FBXO10: variants seen among roughly 807,000 people sequenced by gnomAD.
The protein encoded by FBXO10 is F-box protein 10, also known as F-box only protein 10.
A neutral mutation model predicts 80.7 loss-of-function variants in FBXO10; 39 were observed. That is an observed-to-expected ratio of 0.48 (90% CI 0.37 to 0.63). The LOEUF is 0.63. Among genes scored for constraint, FBXO10 ranks in the 30% least tolerant of loss-of-function variants. The pLI is 0.00. For missense variants in FBXO10, 1,025 were observed against 1,269.0 expected (o/e 0.81, Z 2.92); for synonymous variants, 449 against 489.6 (o/e 0.92, Z 1.09).
At chr9:37,551,572 G>A (rs1822199638) in intron 1 of FBXO10, among the ~76,000 whole-genome samples, 1 of 152,168 alleles carries the variant, frequency 6.6e-6, no homozygotes, top group South Asian at 2.1e-4. Flanking sequence ...CCACAGGTGG[G>A]GTGACCAGGG....
chr9:37,536,118 T>C (rs1821759055), intron 3 of FBXO10: 1 of 152,180 alleles, frequency 6.6e-6, no homozygotes, highest in Non-Finnish European at 1.5e-5. Context: ...TAAATTTAAA[T>C]TAATTAAAAT....
At chr9:37,534,848 G>A (rs1383206838) in intron 3 of FBXO10, among the ~76,000 whole-genome samples, 3 of 152,146 alleles carry the variant, frequency 2.0e-5, no homozygotes, top group Non-Finnish European at 4.4e-5. Context: ...GGTGTTGGGA[G>A]GAAAGTGACT....
chr9:37,531,402 T>C (rs1198171158), intron 4 of FBXO10, among the ~76,000 whole-genome samples: 3 of 152,218 alleles, frequency 2.0e-5, no homozygotes, highest in Non-Finnish European at 2.9e-5. Context: ...CTCGTGTCAC[T>C]GGCCACACAG....
intron 1 of FBXO10, among the ~76,000 whole-genome samples, chr9:37,556,661 AG>A: frequency 6.8e-6 from 1 of 148,084 alleles, no homozygotes. Context: ...CTCCTACCTC[AG>A]CCTCCCAAGT....
At chr9:37,516,213 A>AGT in intron 9 of FBXO10, 128 bp from the exon 10 acceptor site, 1 of 1,053,918 alleles carries the variant, frequency 9.5e-7, no homozygotes, top group Non-Finnish European at 1.3e-6. Context: ...TGAAGAGCCT[A>AGT]TGAGCTCAAA....
chr9:37,568,068 A>C (rs1249909334), intron 1 of FBXO10, among the ~76,000 whole-genome samples: 1 of 152,148 alleles, frequency 6.6e-6, no homozygotes, highest in East Asian at 1.9e-4. Flanking sequence ...GAGAGACTGC[A>C]AGAGATCAAA....
At chr9:37,547,687 A>G (rs1822091174) in intron 1 of FBXO10, among the ~76,000 whole-genome samples, 1 of 152,204 alleles carries the variant, frequency 6.6e-6, no homozygotes, top group South Asian at 2.1e-4. Context: ...GGCCAGGCAC[A>G]GTGGCTCACA....
At chr9:37,567,730 A>T in intron 1 of FBXO10, among the ~76,000 whole-genome samples, 1 of 151,958 alleles carries the variant, frequency 6.6e-6, no homozygotes, top group East Asian at 1.9e-4. Flanking sequence ...GGGTTTCACC[A>T]TGTTGGCCAG....
intron 1 of FBXO10, among the ~76,000 whole-genome samples, chr9:37,550,072 C>A (rs116683340): frequency 6.6e-6 from 1 of 151,364 alleles, no homozygotes; most frequent in African/African-American, 2.4e-5. Flanking sequence ...TAATTCTATT[C>A]ATCCACTATT....
At chr9:37,543,060 C>A (rs886374038) in intron 1 of FBXO10, among the ~76,000 whole-genome samples, 7 of 152,192 alleles carry the variant, frequency 4.6e-5, no homozygotes, top group Non-Finnish European at 8.8e-5. Context: ...ATTACTGTTT[C>A]CCCACGTGGG....
chr9:37,516,040 C>T lies in FBXO10; in HGVS notation c.2560G>A (p.Val854Met), dbSNP rs771016576. The change falls in exon 10 of 11, where the codon GTG (valine) becomes ATG (methionine). Residue 854 changes from valine (V) to methionine (M), a missense_variant. Transcript: ENST00000432825. ...ACCAGGGCCTTGGCACGGCCCCGCA[C>T]GGCGATGCCGTAGGCCCGGAACGAG... The part of the protein sequence containing the change: ...IHSFRAYGIA[V>M]RGRAKALVQE... 9 of 1,613,746 alleles carry T rather than the reference C, an allele frequency of 5.6e-6. No homozygotes were observed. Among genetic ancestry groups the T allele is most frequent in the African/African-American group, 2.7e-5 (2 of 74,914 alleles).
chr9:37,539,517 C>T (rs1299405579), intron 2 of FBXO10, among the ~76,000 whole-genome samples: 1 of 152,232 alleles, frequency 6.6e-6, no homozygotes, highest in Non-Finnish European at 1.5e-5. Context: ...CCTTGAGGAT[C>T]TATGACTATA....
intron 5 of FBXO10, among the ~76,000 whole-genome samples, chr9:37,528,200 C>T (rs1821521077): frequency 6.6e-6 from 1 of 152,232 alleles, no homozygotes; most frequent in Non-Finnish European, 1.5e-5. Context: ...TCAGCTTGGT[C>T]TACATAAGGC....
Position 37,512,640 on chromosome 9 carries a change from A to G in FBXO10, c.2778T>C (p.Asn926=). The change falls in exon 11 of 11, where the codon AAT becomes AAC. Residue 926 remains asparagine (N), a synonymous_variant. Transcript: ENST00000432825. ...TTGCCATGGCTGTCACCTTCTGCCC[A>G]TTGTGGGCTGCCGAGGGACGTCTGA... ...NSLRRPSAAH[N]GQKVTAMATR... The G allele has an allele frequency of 6.2e-7, 1 of 1,613,890 alleles. No individual in the cohort carries two copies. The highest frequency in any genetic ancestry group is 1.3e-5 in the African/African-American group (1 of 75,012).
intron 1 of FBXO10, among the ~76,000 whole-genome samples, chr9:37,563,976 C>T (rs1822543989): frequency 6.6e-6 from 1 of 152,242 alleles, no homozygotes; most frequent in Non-Finnish European, 1.5e-5. Context: ...AACTTCAAGG[C>T]AGCCCCTCCC....
At chr9:37,567,485 T>C (rs532088144) in intron 1 of FBXO10, among the ~76,000 whole-genome samples, 36 of 152,134 alleles carry the variant, frequency 2.4e-4, no homozygotes, top group African/African-American at 8.7e-4. Flanking sequence ...AACCAAAACG[T>C]AGTATGCTTA....
chr9:37,548,034 A>G (rs1050724669), intron 1 of FBXO10, among the ~76,000 whole-genome samples: 5 of 152,186 alleles, frequency 3.3e-5, no homozygotes, highest in African/African-American at 1.2e-4. Flanking sequence ...TTTAGGGTGA[A>G]GGAAATGTTT....
chr9:37,537,002 G>T, intron 3 of FBXO10, 108 bp downstream of exon 3: 1 of 832,324 alleles, frequency 1.2e-6, no homozygotes, highest in Non-Finnish European at 1.9e-6. Context: ...TCAAGCGTGC[G>T]TGAATAAGTT....
rs370929362 is a variant in FBXO10 at position 37,537,470 on chromosome 9, G to C, written c.1059C>G (p.Ser353Arg). 8.7e-6 allele frequency: 14 copies of C among 1,607,082 alleles called. No homozygotes were observed. Among genetic ancestry groups the C allele is most frequent in the Non-Finnish European group, 1.2e-5 (14 of 1,176,910 alleles). ...DGERVAQTPD[S>R]SDGGLSPSGE... ...CGCTGGGACTCAGGCCTCCATCGCT[G>C]CTGTCCGGGGTCTGGGCCACCCTTT... The change falls in exon 3 of 11, where the codon AGC (serine) becomes AGG (arginine). Residue 353 changes from serine (S) to arginine (R), a missense_variant. Ser to Arg is a moderately radical substitution (Grantham distance 110, BLOSUM62 -1). This residue lies in a region of FBXO10 where 450 missense variants were observed against 499.4 expected (regional missense o/e 0.90). Transcript: ENST00000432825.
Sources: allele counts gnomAD v4.1 joint callset (sites outside exome capture counted in the v4.1 genomes callset), GRCh38; gene constraint gnomAD v4.1.1; regional missense constraint gnomAD v4.1.1; transcripts MANE v1.5; gene names NCBI Gene and HGNC (gene_info 2026-07-23, HGNC 2026-07-21).